The following BAG6 variants were observed in gnomAD, a reference collection of about 807,000 sequenced individuals.
BAG6 encodes the protein large proline-rich protein BAG6.
In BAG6, 22 loss-of-function variants were observed where a neutral mutation model predicts 121.0. The observed-to-expected ratio is 0.18, with a 90% CI of 0.13 to 0.26. The LOEUF (loss-of-function observed/expected upper bound fraction) is 0.26, where lower values mean the gene tolerates loss of function less well. Among genes scored for constraint, BAG6 ranks in the 10% least tolerant of loss-of-function variants. The pLI is 1.00. For synonymous variants in BAG6, 583 were observed against 584.6 expected (o/e 1.00, Z 0.04); for missense variants, 1,233 against 1,537.7 (o/e 0.80, Z 3.31).
intron 4 of BAG6, 22 bp downstream of exon 4, chr6:31,649,176 TC>T (rs762892786): frequency 8.3e-5 from 134 of 1,611,636 alleles, no homozygotes; most frequent in Non-Finnish European, 1.0e-4. Flanking sequence ...ACAAAAGCCC[TC>T]CCCTGTGGAA....
rs143819600 is a variant in BAG6, at chr6:31,650,769, T to C, written c.108+887A>G. Among the ~76,000 whole-genome samples, 954 of 152,272 alleles carry C rather than the reference T, an allele frequency of 6.3e-3. 29 individuals carry two copies. In the South Asian group the frequency reaches 0.089, roughly 14 times the overall value. On this transcript the variant is annotated intron_variant, in intron 2 of 25. Transcript: ENST00000676615. Reference sequence around the variant, plus strand: ...ATACATCTAATCACAAGTCTATATATGGCTTTCTTATATCCAGGTAATATC... The same window carrying C: ...ATACATCTAATCACAAGTCTATATACGGCTTTCTTATATCCAGGTAATATC...
chr6:31,639,595 C>G lies in BAG6; in HGVS notation c.3298G>C (p.Ala1100Pro), dbSNP rs776604391. The G allele has an allele frequency of 6.2e-7, 1 of 1,614,024 alleles. No individual in the cohort carries two copies. The highest frequency in any genetic ancestry group is 8.5e-7 in the Non-Finnish European group (1 of 1,179,942). ...GGCCGAGCTCCGGCTGCCTTAGCTGCCCGGCTCACAGCCTCTGAGAGAAGC... is the reference window on the plus strand; with the variant it reads ...GGCCGAGCTCCGGCTGCCTTAGCTGGCCGGCTCACAGCCTCTGAGAGAAGC... ...QLLLSEAVSR[A>P]AKAAGARPLT... Residue 1100 changes from alanine (A) to proline (P), a missense_variant, in exon 25 of 26, where the codon GCA (alanine) becomes CCA (proline). By Grantham distance (27) the Ala-to-Pro change is conservative. This residue lies in a region of BAG6 where 102 missense variants were observed against 103.2 expected (regional missense o/e 0.99). Transcript: ENST00000676615.
chr6:31,648,186 T>G (rs968581949), intron 6 of BAG6, among the ~76,000 whole-genome samples: 4 of 151,978 alleles, frequency 2.6e-5, no homozygotes, highest in Non-Finnish European at 5.9e-5. Flanking sequence ...CAACTAATTT[T>G]TGTACTTGTA....
intron 6 of BAG6, among the ~76,000 whole-genome samples, chr6:31,648,212 C>T (rs1050776029): frequency 6.6e-6 from 1 of 152,084 alleles, no homozygotes; most frequent in Non-Finnish European, 1.5e-5. Flanking sequence ...GACAGGGTTT[C>T]ACCATGTTGG....
At chr6:31,645,367 A>T in intron 9 of BAG6, 40 bp downstream of exon 9, 1 of 1,611,800 alleles carries the variant, frequency 6.2e-7, no homozygotes, top group Non-Finnish European at 8.5e-7. Context: ...CTCTATCAAC[A>T]CCCCTCACTC....
At position 31,641,044 on chromosome 6, in the gene BAG6, G is replaced by C; in HGVS notation, c.2787+60C>G. 1 of 1,603,274 alleles carries C rather than the reference G, an allele frequency of 6.2e-7. No individual in the cohort carries two copies. Among genetic ancestry groups the C allele is most frequent in the Non-Finnish European group, 8.5e-7 (1 of 1,174,418 alleles). On this transcript the variant is annotated intron_variant, in intron 20 of 25. Transcript: ENST00000676615. This position sits in a 1 kb window ranked among gnomAD's most constrained non-coding sequence, Gnocchi z 5.7. ...AGTTTAGAAAAGAAAAATGAAAACT[G>C]CAGAGAATGGAAACCTCAGGAAACA...
chr6:31,644,433 G>T lies in BAG6; in HGVS notation c.1448-19C>A. 1 of 1,552,732 alleles carries T rather than the reference G, an allele frequency of 6.4e-7. No individual in the cohort carries two copies. Among genetic ancestry groups the T allele is most frequent in the Non-Finnish European group, 8.7e-7 (1 of 1,147,498 alleles). ...GTGGAGCCTGGGGGGCGGGTCTGAT[G>T]TAACCTTGAACCTGGACCCCTTCAA... On this transcript the variant is annotated intron_variant, in intron 11 of 25. Transcript: ENST00000676615. This position sits in a 1 kb window ranked among gnomAD's most constrained non-coding sequence, Gnocchi z 4.9.
In BAG6 at chr6:31,645,436, C is replaced by T. The variant is rs372449015; in HGVS notation, c.1087G>A (p.Val363Met). The T allele has an allele frequency of 1.2e-6, 2 of 1,612,974 alleles. No homozygotes were observed. The highest frequency in any genetic ancestry group is 1.7e-6 in the Non-Finnish European group (2 of 1,180,036). The change falls in exon 9 of 26, where the codon GTG becomes ATG. Residue 363 changes from valine (V) to methionine (M), a missense_variant. Around this residue, in one of 7 missense-constraint regions of BAG6, gnomAD observed 777 missense variants for 861.4 expected, o/e 0.90. Transcript: ENST00000676615. ...ATGGGAATGGCTGCCTGCTGGAGCA[C>T]CATGGGGGTGGTGTAGTGAGACATA... ...RPMSHYTTPM[V>M]LQQAAIPIQI...
intron 14 of BAG6, among the ~76,000 whole-genome samples, chr6:31,643,461 A>T (rs1437055761): frequency 6.6e-6 from 1 of 151,288 alleles, no homozygotes; most frequent in Non-Finnish European, 1.5e-5. Flanking sequence ...CGATGGCTCA[A>T]GCCTGTAATC....
Position 31,640,755 on chromosome 6 carries a change from C to G in BAG6, c.2934+37G>C. On this transcript the variant is annotated intron_variant, in intron 21 of 25. Transcript: ENST00000676615. The surrounding 1 kb of genome is among the most constrained non-coding windows in gnomAD (Gnocchi z 4.2). ...TCCTCTCAGATCTCTCCAGTTCTCT[C>G]AAGTACCCTGACCCCATCGCCCAAC... 6.2e-7 allele frequency: 1 copy of G among 1,612,882 alleles called. No homozygotes were observed. Among genetic ancestry groups the G allele is most frequent in the Non-Finnish European group, 8.5e-7 (1 of 1,180,024 alleles).
chr6:31,643,568 T>C (rs1785126514), intron 14 of BAG6, among the ~76,000 whole-genome samples: 1 of 149,270 alleles, frequency 6.7e-6, no homozygotes, highest in Non-Finnish European at 1.5e-5. Context: ...ACTAAAAACA[T>C]AAAAAATTAG....
Position 31,639,576 on chromosome 6 carries a change from G to C in BAG6, c.3317C>G (p.Ala1106Gly). ...AVSRAAKAAG[A>G]RPLTSPESLS... ...GCTCTCGGGGCTCGTCAGGGGCCGA[G>C]CTCCGGCTGCCTTAGCTGCCCGGCT... Residue 1106 changes from alanine (A) to glycine (G), a missense_variant, in exon 25 of 26, where the codon GCT becomes GGT. By Grantham distance (60) the Ala-to-Gly change is moderately conservative (BLOSUM62 0). Transcript: ENST00000676615. The C allele has an allele frequency of 6.2e-7, 1 of 1,614,080 alleles. No individual in the cohort carries two copies. The highest frequency in any genetic ancestry group is 1.1e-5 in the South Asian group (1 of 91,078).
chr6:31,641,533 A>C lies in BAG6; in HGVS notation c.2559+6T>G. 6.2e-7 allele frequency: 1 copy of C among 1,614,074 alleles called. No individual in the cohort carries two copies. Among genetic ancestry groups the C allele is most frequent in the Non-Finnish European group, 8.5e-7 (1 of 1,179,984 alleles). On this transcript the variant is annotated splice_donor_region_variant and intron_variant, in intron 18 of 25. Transcript: ENST00000676615. The surrounding 1 kb of genome is among the most constrained non-coding windows in gnomAD (Gnocchi z 5.7). ...GAGAGGAAAGGAATAGAGAAGGGTT[A>C]CTCACAAAACTCTCCCGCACATACT...
At position 31,641,161 on chromosome 6, in the gene BAG6, G is replaced by A. The variant is rs539883888; in HGVS notation, c.2730C>T (p.Asn910=). 1.2e-6 allele frequency: 2 copies of A among 1,613,526 alleles called. No homozygotes were observed. The highest frequency in any genetic ancestry group is 1.7e-6 in the Non-Finnish European group (2 of 1,180,020). ...NQGLFECLAL[N]LHCLGGQQME... ...TCTGCTGTCCCCCCAAGCAGTGCAG[G>A]TTTAGGGCCAGGCATTCAAACAGGC... Residue 910 remains asparagine, a synonymous_variant, in exon 20 of 26, where the codon AAC becomes AAT. Transcript: ENST00000676615. This position sits in a 1 kb window ranked among gnomAD's most constrained non-coding sequence, Gnocchi z 5.7.
chr6:31,652,338 CACACACACACACACA>C (rs1798039365), intron 1 of BAG6, 71 bp downstream of exon 1: 1 of 150,340 alleles, frequency 6.7e-6, no homozygotes, highest in African/African-American at 2.5e-5. Flanking sequence ...CACACACACA[CACACACACACACACA>C]CACACACCCA....
rs1786144004 is a variant in BAG6, at chr6:31,644,203, G to A, written c.1556-9C>T. 1.2e-6 allele frequency: 2 copies of A among 1,611,508 alleles called. No homozygotes were observed. Among genetic ancestry groups the A allele is most frequent in the Non-Finnish European group, 1.7e-6 (2 of 1,179,074 alleles). ...GCCTGGCACCTGCTGTCCTGTGGGT[G>A]GCAGAAGAGACAGACCGAAGAGGGC... is the stretch of plus-strand genomic sequence containing the variant. On this transcript the variant is annotated splice_polypyrimidine_tract_variant and intron_variant, in intron 12 of 25. Transcript: ENST00000676615. The surrounding 1 kb of genome is among the most constrained non-coding windows in gnomAD (Gnocchi z 4.9).
chr6:31,641,768 T>TC lies in BAG6; in HGVS notation c.2505+7dup. ...AGGAGAGTTCTGGGGCCCCTGGCCT[T>TC]CATTTACCCGGATGTTACTGGGTGT... On this transcript the variant is annotated splice_region_variant and intron_variant, in intron 17 of 25. Coordinates refer to ENST00000676615, the MANE Select transcript of BAG6 (RefSeq NM_001387994.1). The surrounding 1 kb of genome is among the most constrained non-coding windows in gnomAD (Gnocchi z 5.7). The TC allele has an allele frequency of 6.2e-7, 1 of 1,612,770 alleles. No individual in the cohort carries two copies. Among genetic ancestry groups the TC allele is most frequent in the Non-Finnish European group, 8.5e-7 (1 of 1,179,670 alleles).
intron 2 of BAG6, among the ~76,000 whole-genome samples, chr6:31,650,905 T>C (rs1795906868): frequency 6.6e-6 from 1 of 152,206 alleles, no homozygotes. Flanking sequence ...ACTCAAGCTA[T>C]GCCATAAAAA....
At chr6:31,646,249 G>A (rs1583387774) in intron 8 of BAG6, 145 bp downstream of exon 8, 1 of 1,276,282 alleles carries the variant, frequency 7.8e-7, no homozygotes, top group Admixed American at 2.6e-5. Context: ...GCCTCCCAAA[G>A]TGCTGGGATT....
Sources: allele counts gnomAD v4.1 joint callset (sites outside exome capture counted in the v4.1 genomes callset), GRCh38; gene constraint gnomAD v4.1.1; regional missense constraint gnomAD v4.1.1; non-coding constraint Gnocchi (gnomAD v3.1); transcripts MANE v1.5; gene names NCBI Gene and HGNC (gene_info 2026-07-23, HGNC 2026-07-21).